The following SHANK2 variants were observed in gnomAD, a reference collection of about 807,000 sequenced individuals.
SHANK2 encodes SH3 and multiple ankyrin repeat domains 2.
Under a neutral mutation model 133.7 loss-of-function variants are expected in SHANK2, and 43 were observed. That is an observed-to-expected ratio of 0.32 (90% CI 0.25 to 0.41). The LOEUF is 0.41. Among genes scored for constraint, SHANK2 ranks in the 10% least tolerant of loss-of-function variants. The pLI is 1.00. For missense variants in SHANK2, 1,994 were observed against 2,235.8 expected (o/e 0.89, Z 2.18); for synonymous variants, 1,017 against 952.8 (o/e 1.07, Z -1.24).
chr11:70,551,073 C>G (rs1373166098), intron 17 of SHANK2, among the ~76,000 whole-genome samples: 3 of 152,326 alleles, frequency 2.0e-5, no homozygotes, highest in East Asian at 1.9e-4. Context: ...CCTCCCACCC[C>G]CTCCGAGACC....
intron 11 of SHANK2, among the ~76,000 whole-genome samples, chr11:70,881,600 A>G (rs1555072435): frequency 6.7e-6 from 1 of 149,064 alleles, no homozygotes; most frequent in African/African-American, 2.5e-5. Flanking sequence ...TAATAATAAT[A>G]GTAAACTCCA....
At chr11:70,753,591 T>C (rs563785233) in intron 14 of SHANK2, among the ~76,000 whole-genome samples, 6 of 129,048 alleles carry the variant, frequency 4.6e-5, no homozygotes, top group African/African-American at 1.9e-4. Context: ...GATAAAAATT[T>C]TAGTAAGACT....
chr11:70,916,542 C>T (rs952046428), intron 10 of SHANK2, among the ~76,000 whole-genome samples: 5 of 152,192 alleles, frequency 3.3e-5, no homozygotes, highest in Admixed American at 6.5e-5. Flanking sequence ...CCCTTTCACA[C>T]AGTAGCACAG....
intron 6 of SHANK2, among the ~76,000 whole-genome samples, chr11:71,109,163 A>G (rs555553278): frequency 2.6e-5 from 4 of 152,064 alleles, no homozygotes; most frequent in African/African-American, 4.8e-5. Flanking sequence ...AGCCCACCTG[A>G]GGGGGCATAC....
At chr11:70,930,418 T>A (rs995095356) in intron 10 of SHANK2, among the ~76,000 whole-genome samples, 8 of 152,186 alleles carry the variant, frequency 5.3e-5, no homozygotes, top group Non-Finnish European at 8.8e-5. Flanking sequence ...AATGTGGGGA[T>A]GTTTGTTATG....
intron 14 of SHANK2, among the ~76,000 whole-genome samples, chr11:70,795,407 C>CTTTTT (rs71049944): frequency 7.8e-6 from 1 of 128,448 alleles, no homozygotes; most frequent in Non-Finnish European, 1.6e-5. Context: ...CTTTCTTTTT[C>CTTTTT]TTTTTTTTTT....
At chr11:70,665,573 C>G (rs1434186849) in intron 15 of SHANK2, among the ~76,000 whole-genome samples, 1 of 152,202 alleles carries the variant, frequency 6.6e-6, no homozygotes, top group African/African-American at 2.4e-5. Context: ...CTGTTTCTAA[C>G]TTCTCTTTCC....
intron 14 of SHANK2, among the ~76,000 whole-genome samples, chr11:70,701,997 CACT>C (rs200490642): frequency 6.7e-4 from 101 of 151,544 alleles, no homozygotes; most frequent in Admixed American, 5.0e-3. Context: ...TCATCATCAC[CACT>C]ATCATCATCA....
intron 17 of SHANK2, among the ~76,000 whole-genome samples, chr11:70,536,297 TGTTA>T (rs1554974191): frequency 6.6e-6 from 1 of 152,196 alleles, no homozygotes; most frequent in Non-Finnish European, 1.5e-5. Context: ...GCTTGTTGTT[TGTTA>T]AAGTTCAACT....
At chr11:71,106,446 A>T (rs1951802742) in intron 6 of SHANK2, among the ~76,000 whole-genome samples, 1 of 152,216 alleles carries the variant, frequency 6.6e-6, no homozygotes, top group Admixed American at 6.5e-5. Flanking sequence ...CTACAAAAAA[A>T]CACAAAAATT....
chr11:71,157,377 G>A (rs1952926302), intron 2 of SHANK2, among the ~76,000 whole-genome samples: 1 of 152,196 alleles, frequency 6.6e-6, no homozygotes, highest in Non-Finnish European at 1.5e-5. Flanking sequence ...AGACATTGGG[G>A]TGTCCAGGTC....
chr11:70,743,122 G>A (rs1946564656), intron 14 of SHANK2, among the ~76,000 whole-genome samples: 2 of 151,704 alleles, frequency 1.3e-5, no homozygotes, highest in Admixed American at 1.3e-4. Flanking sequence ...GGGACACAAA[G>A]GCACAGGGCG....
chr11:70,608,026 A>G (rs77274991), intron 17 of SHANK2, among the ~76,000 whole-genome samples: 11,054 of 152,304 alleles, frequency 0.073, 581 homozygotes, highest in East Asian at 0.24. Context: ...CAGAAAAGGC[A>G]GTGCCAGGGC....
At chr11:70,680,318 T>G (rs1343255660) in intron 15 of SHANK2, among the ~76,000 whole-genome samples, 2 of 152,166 alleles carry the variant, frequency 1.3e-5, no homozygotes, top group African/African-American at 2.4e-5. Context: ...ACATTTAGCC[T>G]CTTACAGTTC....
At chr11:71,067,604 G>A (rs1321629890) in intron 9 of SHANK2, among the ~76,000 whole-genome samples, 1 of 152,162 alleles carries the variant, frequency 6.6e-6, no homozygotes, top group African/African-American at 2.4e-5. Context: ...AACTGATAAA[G>A]CACATGTAAC....
intron 17 of SHANK2, among the ~76,000 whole-genome samples, chr11:70,511,094 G>T (rs1488733903): frequency 6.6e-6 from 1 of 152,174 alleles, no homozygotes; most frequent in African/African-American, 2.4e-5. Context: ...GTGTGAAGGT[G>T]AGCACTTTGA....
At chr11:70,631,392 A>C (rs2060986073) in intron 17 of SHANK2, among the ~76,000 whole-genome samples, 1 of 149,190 alleles carries the variant, frequency 6.7e-6, no homozygotes, top group Non-Finnish European at 1.5e-5. Context: ...ACACACACAC[A>C]CACACACACA....
chr11:70,516,384 T>C (rs2059266633), intron 17 of SHANK2, among the ~76,000 whole-genome samples: 1 of 152,220 alleles, frequency 6.6e-6, no homozygotes, highest in East Asian at 1.9e-4. Context: ...GAAAGGACAG[T>C]CTTTTCAACA....
intron 3 of SHANK2, among the ~76,000 whole-genome samples, chr11:71,119,382 C>T (rs1417590429): frequency 2.6e-5 from 4 of 152,148 alleles, no homozygotes; most frequent in Admixed American, 6.5e-5. Context: ...GAGATCAAGA[C>T]CATCCTAGCC....
Sources: allele counts gnomAD v4.1 joint callset (sites outside exome capture counted in the v4.1 genomes callset), GRCh38; gene constraint gnomAD v4.1.1; transcripts MANE v1.5; gene names NCBI Gene and HGNC (gene_info 2026-07-23, HGNC 2026-07-21).